The following CCDC178 variants were observed in gnomAD, a reference collection of about 807,000 sequenced individuals.
The protein encoded by CCDC178 is coiled-coil domain-containing protein 178.
Under a neutral mutation model 117.4 loss-of-function variants are expected in CCDC178, and 126 were observed. That is an observed-to-expected ratio of 1.07 (90% confidence interval 0.93 to 1.24). The LOEUF is 1.24. CCDC178 is among the 50% of genes most tolerant of loss of function. The pLI is 0.00. For missense variants in CCDC178, 1,030 were observed against 986.9 expected, an observed-to-expected ratio of 1.04 and a Z score of -0.59; for synonymous variants, 283 against 313.4, an observed-to-expected ratio of 0.90 and a Z score of 1.02.
chr18:33,354,197 G>C (rs1188798903), intron 7 of CCDC178, among the ~76,000 whole-genome samples: 2 of 152,034 alleles, frequency 1.3e-5, no homozygotes, highest in African/African-American at 4.8e-5. Context: ...TGCTTCTCTT[G>C]TGCTGCTTTC....
intron 12 of CCDC178, among the ~76,000 whole-genome samples, chr18:33,278,565 C>T (rs530376476): frequency 3.6e-4 from 54 of 151,948 alleles, no homozygotes; most frequent in African/African-American, 1.1e-3. Context: ...CATTTATATA[C>T]GGAATATAGG....
intron 21 of CCDC178, among the ~76,000 whole-genome samples, chr18:32,998,158 T>A (rs2055557704): frequency 6.6e-6 from 1 of 152,208 alleles, no homozygotes; most frequent in African/African-American, 2.4e-5. Context: ...AGAGATAATC[T>A]GTGTGCTTGG....
intron 3 of CCDC178, among the ~76,000 whole-genome samples, chr18:33,398,127 G>A (rs887211235): frequency 6.6e-6 from 1 of 152,000 alleles, no homozygotes; most frequent in Non-Finnish European, 1.5e-5. Context: ...GCATGTGTTT[G>A]TAGTGGAGAG....
At chr18:33,422,246 T>C (rs542229072) in intron 2 of CCDC178, among the ~76,000 whole-genome samples, 49 of 152,198 alleles carry the variant, frequency 3.2e-4, no homozygotes, top group Non-Finnish European at 5.1e-4. Flanking sequence ...TCTACCCCAT[T>C]ACAATAAATA....
chr18:33,245,899 T>C (rs2059544208), intron 14 of CCDC178, among the ~76,000 whole-genome samples: 1 of 151,906 alleles, frequency 6.6e-6, no homozygotes, highest in African/African-American at 2.4e-5. Context: ...CTGTGCATTG[T>C]AAGTAAGATA....
intron 21 of CCDC178, among the ~76,000 whole-genome samples, chr18:33,027,163 G>T (rs1265983656): frequency 6.6e-6 from 1 of 151,604 alleles, no homozygotes; most frequent in African/African-American, 2.4e-5. Flanking sequence ...ATAATAATTT[G>T]ATTTTGACTA....
At chr18:33,381,317 A>C (rs995050417) in intron 5 of CCDC178, among the ~76,000 whole-genome samples, 13 of 152,166 alleles carry the variant, frequency 8.5e-5, no homozygotes, top group Non-Finnish European at 1.3e-4. Context: ...CTGTAGCCAA[A>C]TAATTCTGTG....
intron 22 of CCDC178, among the ~76,000 whole-genome samples, chr18:32,968,577 A>G (rs536455700): frequency 1.3e-5 from 2 of 152,028 alleles, no homozygotes; most frequent in Non-Finnish European, 2.9e-5. Context: ...AGGAATCTCC[A>G]TACTGTTTCC....
chr18:33,105,124 G>T (rs911801465), intron 20 of CCDC178, among the ~76,000 whole-genome samples: 2 of 151,630 alleles, frequency 1.3e-5, no homozygotes, highest in African/African-American at 4.8e-5. Flanking sequence ...TGAGGCATTT[G>T]TTATTGAAAA....
chr18:32,944,463 A>G (rs888927526), intron 22 of CCDC178, among the ~76,000 whole-genome samples: 1 of 152,198 alleles, frequency 6.6e-6, no homozygotes, highest in Non-Finnish European at 1.5e-5. Flanking sequence ...GGCCTATTTT[A>G]AAGAATCACC....
intron 11 of CCDC178, among the ~76,000 whole-genome samples, chr18:33,299,440 C>T (rs937819644): frequency 2.6e-5 from 4 of 151,626 alleles, no homozygotes; most frequent in African/African-American, 7.3e-5. Flanking sequence ...ACCCTATACA[C>T]AAATCAAGTC....
chr18:32,966,937 T>A (rs1394116051), intron 22 of CCDC178, among the ~76,000 whole-genome samples: 1 of 151,856 alleles, frequency 6.6e-6, no homozygotes, highest in African/African-American at 2.4e-5. Flanking sequence ...CCATTTTAAA[T>A]AACTGTCTTA....
chr18:33,128,926 T>G (rs1598912457), intron 20 of CCDC178, among the ~76,000 whole-genome samples: 1 of 152,078 alleles, frequency 6.6e-6, no homozygotes, highest in Non-Finnish European at 1.5e-5. Context: ...GTAACCAAAA[T>G]TGGAGAAAAT....
rs537258725 is a variant in CCDC178, at chr18:33,144,391, A to T, written c.2239-51481T>A. Among the ~76,000 whole-genome samples, 113 of 152,218 alleles carry T rather than the reference A, an allele frequency of 7.4e-4. 1 individual carries two copies. The highest frequency in any genetic ancestry group is 2.6e-3 in the African/African-American group (109 of 41,552). ...TGGCACAATATTTTAATATTGTGAC[A>T]TTGAAATGTCAGCAACATTATAATG... On this transcript the variant is annotated intron_variant, in intron 20 of 22. Coordinates refer to ENST00000383096, the MANE Select transcript of CCDC178 (RefSeq NM_001105528.4).
In CCDC178 at chr18:33,256,344, CTA is replaced by C. The variant is rs1325084888; in HGVS notation, c.1409+10570_1409+10571del. ...AAAAATGGAAGTGATACGAGTAAAACTATGTCTTGAACAGGGCAGAAGAGGTT... is the reference window on the plus strand; with the variant it reads ...AAAAATGGAAGTGATACGAGTAAAACTGTCTTGAACAGGGCAGAAGAGGTT... On this transcript the variant is annotated intron_variant, in intron 14 of 22. Coordinates refer to ENST00000383096, the MANE Select transcript of CCDC178 (RefSeq NM_001105528.4). Among the ~76,000 whole-genome samples the C allele has an allele frequency of 2.0e-5, 3 of 151,930 alleles. No homozygotes were observed. The East Asian group carries it at 5.8e-4, about 29-fold the overall frequency.
intron 22 of CCDC178, among the ~76,000 whole-genome samples, chr18:32,964,997 G>A (rs1298380235): frequency 6.6e-6 from 1 of 151,802 alleles, no homozygotes; most frequent in Non-Finnish European, 1.5e-5. Flanking sequence ...CAACTGGAAG[G>A]TAAGTTCCAT....
intron 11 of CCDC178, among the ~76,000 whole-genome samples, chr18:33,301,151 G>T (rs1029729161): frequency 2.0e-5 from 3 of 152,172 alleles, no homozygotes; most frequent in African/African-American, 7.2e-5. Flanking sequence ...TGGCTCAAAG[G>T]ACCCCAGGTA....
At chr18:33,321,842 C>T (rs1241873881) in intron 11 of CCDC178, among the ~76,000 whole-genome samples, 1 of 151,444 alleles carries the variant, frequency 6.6e-6, no homozygotes, top group Non-Finnish European at 1.5e-5. Context: ...ACTTAATGGT[C>T]CACCCTTGAA....
chr18:32,985,416 C>T (rs2055242466), intron 21 of CCDC178, among the ~76,000 whole-genome samples: 1 of 151,892 alleles, frequency 6.6e-6, no homozygotes, highest in South Asian at 2.1e-4. Context: ...AACTCTGACC[C>T]TATTATTGTC....
Sources: allele counts gnomAD v4.1 joint callset (sites outside exome capture counted in the v4.1 genomes callset), GRCh38; gene constraint gnomAD v4.1.1; transcripts MANE v1.5; gene names NCBI Gene and HGNC (gene_info 2026-07-23, HGNC 2026-07-21).